Variants in CREB3L2 observed in about 807,000 individuals in gnomAD.
CREB3L2 encodes cyclic AMP-responsive element-binding protein 3-like protein 2.
In CREB3L2, 23 loss-of-function variants were observed where a neutral mutation model predicts 57.2. That is an observed-to-expected ratio of 0.40 (90% CI 0.29 to 0.57). The LOEUF is 0.57. Among genes scored for constraint, CREB3L2 ranks in the 20% least tolerant of loss-of-function variants. The probability of loss-of-function intolerance (pLI) is 0.42; values close to 1 mark genes in which losing one functional copy is unlikely to be tolerated. For missense variants in CREB3L2, 628 were observed against 634.7 expected (o/e 0.99, Z 0.11); for synonymous variants, 268 against 265.1 (o/e 1.01, Z -0.11).
intron 1 of CREB3L2, among the ~76,000 whole-genome samples, chr7:137,949,874 A>G (rs1801064982): frequency 6.6e-6 from 1 of 152,216 alleles, no homozygotes; most frequent in Non-Finnish European, 1.5e-5. Flanking sequence ...TTGCTGGGAA[A>G]CAAAGGTCAC....
chr7:137,909,844 G>A (rs761678873), intron 4 of CREB3L2, among the ~76,000 whole-genome samples: 21 of 152,114 alleles, frequency 1.4e-4, no homozygotes, highest in Admixed American at 4.6e-4. Flanking sequence ...GGGACCCAGC[G>A]GGAGATCATT....
chr7:137,922,430 AT>A (rs1800336276), intron 2 of CREB3L2, among the ~76,000 whole-genome samples: 1 of 50,552 alleles, frequency 2.0e-5, no homozygotes, highest in Admixed American at 2.7e-4. Context: ...ATATATATAT[AT>A]ATATACGTAT....
intron 1 of CREB3L2, among the ~76,000 whole-genome samples, chr7:137,987,385 G>T (rs1801810277): frequency 6.6e-6 from 1 of 151,958 alleles, no homozygotes; most frequent in Non-Finnish European, 1.5e-5. Context: ...TAAGTTTTCA[G>T]TAGCAAAAAA....
At chr7:137,951,821 T>C (rs375387578) in intron 1 of CREB3L2, among the ~76,000 whole-genome samples, 1 of 152,100 alleles carries the variant, frequency 6.6e-6, no homozygotes, top group Admixed American at 6.6e-5. Context: ...ACTCTGTCTC[T>C]ACCAAAAAAA....
intron 4 of CREB3L2, among the ~76,000 whole-genome samples, chr7:137,911,716 C>T (rs1259892320): frequency 7.2e-5 from 11 of 152,018 alleles, no homozygotes; most frequent in African/African-American, 2.7e-4. Flanking sequence ...TGCATGTCTG[C>T]AGTCCCCGCT....
At chr7:137,914,344 T>C (rs181473308) in intron 3 of CREB3L2, among the ~76,000 whole-genome samples, 2 of 152,150 alleles carry the variant, frequency 1.3e-5, no homozygotes, top group East Asian at 3.9e-4. Flanking sequence ...TTACAATAAT[T>C]CAACTAGGCC....
intron 1 of CREB3L2, among the ~76,000 whole-genome samples, chr7:137,976,515 T>C (rs895674344): frequency 1.3e-5 from 2 of 152,260 alleles, no homozygotes; most frequent in Non-Finnish European, 2.9e-5. Context: ...TTGAAAGAAT[T>C]TTATAATGAA....
chr7:137,991,597 T>G (rs574763012), intron 1 of CREB3L2, among the ~76,000 whole-genome samples: 7 of 152,304 alleles, frequency 4.6e-5, no homozygotes, highest in Non-Finnish European at 1.0e-4. Context: ...TAAATTGTAC[T>G]GTGATGAGTT....
In CREB3L2 at chr7:137,970,439, C is replaced by T. The variant is rs568251508; in HGVS notation, c.102+31165G>A. ...TCAATCCAGACATCGTATCTTTTAA[C>T]GAGAGAATGGGGTGACATTTCTCCA... On this transcript the variant is annotated intron_variant, in intron 1 of 11. Transcript: ENST00000330387. 6.6e-5 allele frequency among the ~76,000 whole-genome samples: 10 copies of T among 152,244 alleles called. 1 individual carries two copies. In the South Asian group the frequency reaches 1.9e-3, roughly 28 times the overall value.
chr7:137,940,726 C>A (rs115061109), intron 1 of CREB3L2, among the ~76,000 whole-genome samples: 1 of 152,160 alleles, frequency 6.6e-6, no homozygotes, highest in African/African-American at 2.4e-5. Flanking sequence ...GAAACACTAA[C>A]GGGCGATGAA....
chr7:137,883,819 TA>T (rs1257945428), intron 10 of CREB3L2, among the ~76,000 whole-genome samples: 2 of 152,160 alleles, frequency 1.3e-5, no homozygotes, highest in African/African-American at 4.8e-5. Flanking sequence ...AAACCTCAGA[TA>T]AGGGGGGACT....
intron 1 of CREB3L2, among the ~76,000 whole-genome samples, chr7:137,963,269 T>C (rs1801355829): frequency 6.6e-6 from 1 of 152,248 alleles, no homozygotes; most frequent in Non-Finnish European, 1.5e-5. Flanking sequence ...TCTTAGCAAG[T>C]CCCTGTTCCC....
chr7:137,887,222 G>A (rs1455440218), intron 8 of CREB3L2, among the ~76,000 whole-genome samples: 2 of 152,148 alleles, frequency 1.3e-5, no homozygotes, highest in African/African-American at 4.8e-5. Flanking sequence ...GGTGCTAGAA[G>A]GACAAGCAGA....
intron 1 of CREB3L2, among the ~76,000 whole-genome samples, chr7:137,966,578 C>A (rs1382529042): frequency 1.3e-5 from 2 of 152,162 alleles, no homozygotes; most frequent in African/African-American, 2.4e-5. Context: ...CTACAGACAG[C>A]TCAATTTGGA....
chr7:137,882,285 T>C, intron 11 of CREB3L2, 127 bp downstream of exon 11: 1 of 658,512 alleles, frequency 1.5e-6, no homozygotes, highest in Non-Finnish European at 2.6e-6. Context: ...GTCCTGGAAA[T>C]AGGTCCTGAG....
chr7:137,958,142 A>T (rs1425291683), intron 1 of CREB3L2, among the ~76,000 whole-genome samples: 2 of 152,168 alleles, frequency 1.3e-5, no homozygotes, highest in Non-Finnish European at 2.9e-5. Context: ...GTGGGAAGAG[A>T]GTAGAGTTTA....
intron 1 of CREB3L2, among the ~76,000 whole-genome samples, chr7:137,928,745 T>G (rs1385295974): frequency 6.6e-6 from 1 of 152,090 alleles, no homozygotes; most frequent in Non-Finnish European, 1.5e-5. Flanking sequence ...AAATCTTCCA[T>G]GAGGGAGAAA....
chr7:137,919,535 C>A (rs774202805), intron 2 of CREB3L2, among the ~76,000 whole-genome samples: 30 of 152,168 alleles, frequency 2.0e-4, no homozygotes, highest in Non-Finnish European at 4.0e-4. Flanking sequence ...AGTGGCAGAA[C>A]CCAGATCTCT....
At chr7:137,907,168 C>A (rs1402459497) in intron 5 of CREB3L2, among the ~76,000 whole-genome samples, 2 of 152,148 alleles carry the variant, frequency 1.3e-5, no homozygotes, top group Non-Finnish European at 2.9e-5. Flanking sequence ...ACTGAAGAAG[C>A]CACTGCCTAG....
Sources: gnomAD v4.1 joint callset for allele counts (sites outside exome capture counted in the v4.1 genomes callset) on GRCh38, gnomAD v4.1.1 for gene constraint, MANE v1.5 for transcripts, NCBI Gene and HGNC (gene_info 2026-07-23, HGNC 2026-07-21) for gene names.